EHMT1: variants seen among roughly 807,000 people sequenced by gnomAD.
EHMT1 encodes histone-lysine N-methyltransferase EHMT1.
In EHMT1, 15 loss-of-function variants were observed where a neutral mutation model predicts 147.2. That is an observed-to-expected ratio of 0.10 (90% CI 0.07 to 0.16). The LOEUF (loss-of-function observed/expected upper bound fraction) is 0.16. EHMT1 is among the 10% of genes least tolerant of loss of function. EHMT1 has a pLI of 1.00. For missense variants in EHMT1, 1,587 were observed against 1,772.4 expected, an observed-to-expected ratio of 0.90 and a Z score of 1.88; for synonymous variants, 795 against 709.6, an observed-to-expected ratio of 1.12 and a Z score of -1.91.
chr9:137,633,961 G>A (rs991124840), intron 1 of EHMT1, among the ~76,000 whole-genome samples: 2 of 151,874 alleles, frequency 1.3e-5, no homozygotes, highest in Non-Finnish European at 2.9e-5. Flanking sequence ...TTACAGGTGC[G>A]CACCAGCACG....
At chr9:137,823,876 T>C (rs1955632252) in intron 25 of EHMT1, among the ~76,000 whole-genome samples, 1 of 152,262 alleles carries the variant, frequency 6.6e-6, no homozygotes, top group Admixed American at 6.5e-5. Context: ...TGTTTTTTAA[T>C]TGGCTGCTTG....
chr9:137,726,519 C>T (rs905351290), intron 3 of EHMT1, among the ~76,000 whole-genome samples: 7 of 150,734 alleles, frequency 4.6e-5, no homozygotes, highest in African/African-American at 1.7e-4. Flanking sequence ...TCCGTTCGCC[C>T]GACAGCCGAC....
intron 1 of EHMT1, among the ~76,000 whole-genome samples, chr9:137,635,557 A>C (rs1259594929): frequency 6.7e-6 from 1 of 149,844 alleles, no homozygotes; most frequent in African/African-American, 2.4e-5. Context: ...GCGGTGGCTC[A>C]CGCCTGTAAT....
chr9:137,766,457 A>C (rs1382883517), intron 10 of EHMT1, among the ~76,000 whole-genome samples: 1 of 152,110 alleles, frequency 6.6e-6, no homozygotes, highest in Non-Finnish European at 1.5e-5. Flanking sequence ...TCTACTGAAA[A>C]TACAAAAAGT....
At chr9:137,817,255 G>C in intron 23 of EHMT1, 184 bp from the exon 24 acceptor site, 2 of 692,578 alleles carry the variant, frequency 2.9e-6, no homozygotes, top group Admixed American at 4.3e-5. Flanking sequence ...CTGATCCCCG[G>C]GTTCTTGGCT....
At chr9:137,773,828 C>A (rs1003578985) in intron 10 of EHMT1, among the ~76,000 whole-genome samples, 1 of 152,136 alleles carries the variant, frequency 6.6e-6, no homozygotes, top group Admixed American at 6.5e-5. Flanking sequence ...ATTTGTAGTT[C>A]TTCTTTAGTG....
intron 2 of EHMT1, among the ~76,000 whole-genome samples, chr9:137,714,778 G>A (rs887483178): frequency 4.0e-5 from 6 of 151,850 alleles, no homozygotes; most frequent in African/African-American, 1.5e-4. Flanking sequence ...TGAACTCCTG[G>A]GTTCAAGCGA....
intron 22 of EHMT1, 169 bp downstream of exon 22, chr9:137,814,677 G>A (rs980716007): frequency 1.9e-5 from 14 of 746,270 alleles, no homozygotes; most frequent in Middle Eastern, 3.5e-4. Context: ...ACCAGCACCC[G>A]AGTCAGGGTC....
rs1462415018 is a variant in EHMT1 at position 137,726,107 on chromosome 9, T to TGC, written c.643-2240_643-2239dup. Among the ~76,000 whole-genome samples the TGC allele has an allele frequency of 1.6e-3, 247 of 150,522 alleles. 2 individuals are homozygous for TGC. The Middle Eastern group carries it at 0.017, about 10-fold the overall frequency. On this transcript the variant is annotated intron_variant, in intron 3 of 26. Coordinates refer to ENST00000460843, the MANE Select transcript of EHMT1 (RefSeq NM_024757.5). ...CTTGTCGTGTGTGTGTGTGTGTGTGTGCGTATGTGCGTGGTAAAACACATA... is the reference window on the plus strand; with the variant it reads ...CTTGTCGTGTGTGTGTGTGTGTGTGTGCGCGTATGTGCGTGGTAAAACACATA...
intron 4 of EHMT1, among the ~76,000 whole-genome samples, chr9:137,738,168 T>C (rs1947712607): frequency 6.7e-6 from 1 of 149,820 alleles, no homozygotes; most frequent in South Asian, 2.1e-4. Context: ...CACTCCAGCC[T>C]GGGTGACAGA....
intron 1 of EHMT1, chr9:137,641,495 A>C: frequency 2.3e-6 from 1 of 425,616 alleles, no homozygotes; most frequent in South Asian, 1.8e-5. Context: ...ATGGCTGACA[A>C]ATGTTATTAC....
chr9:137,697,432 C>T (rs1255716884), intron 1 of EHMT1, among the ~76,000 whole-genome samples: 2 of 152,322 alleles, frequency 1.3e-5, no homozygotes, highest in Non-Finnish European at 2.9e-5. Context: ...CCACTGGGAT[C>T]GGCCGGCCTG....
chr9:137,800,634 T>A, intron 17 of EHMT1: 1 of 559,722 alleles, frequency 1.8e-6, no homozygotes, highest in Non-Finnish European at 3.2e-6. Flanking sequence ...GCACAGGGCA[T>A]GTCGGGCAGG....
At chr9:137,754,370 G>GT in intron 8 of EHMT1, 79 bp downstream of exon 8, 1 of 1,585,250 alleles carries the variant, frequency 6.3e-7, no homozygotes, top group Non-Finnish European at 8.6e-7. Flanking sequence ...TGGGGTTGGG[G>GT]TGCGTAGGAT....
chr9:137,652,461 A>G (rs2133964437), intron 1 of EHMT1, among the ~76,000 whole-genome samples: 1 of 152,148 alleles, frequency 6.6e-6, no homozygotes, highest in Non-Finnish European at 1.5e-5. Context: ...ATCTTGGCTC[A>G]CTGCAACCTC....
intron 1 of EHMT1, among the ~76,000 whole-genome samples, chr9:137,631,562 A>G (rs1217104782): frequency 1.3e-5 from 2 of 152,168 alleles, no homozygotes; most frequent in Non-Finnish European, 2.9e-5. Flanking sequence ...CAGACCACAT[A>G]CATGAAGGTG....
chr9:137,711,866 T>C (rs1464314901), intron 2 of EHMT1, among the ~76,000 whole-genome samples: 4 of 152,128 alleles, frequency 2.6e-5, no homozygotes, highest in African/African-American at 9.7e-5. Context: ...TGCCTAAGGC[T>C]CTCCCAGCTG....
intron 24 of EHMT1, chr9:137,817,783 G>T (rs2132800539): frequency 3.2e-6 from 2 of 625,712 alleles, no homozygotes; most frequent in Non-Finnish European, 5.6e-6. Context: ...AGTTAGGAAG[G>T]CGTGGTCCAG....
chr9:137,754,372 G>A, intron 8 of EHMT1, 81 bp downstream of exon 8: 2 of 1,578,342 alleles, frequency 1.3e-6, no homozygotes, highest in South Asian at 1.1e-5. Context: ...GGGTTGGGGT[G>A]CGTAGGATTT....
Sources: gnomAD v4.1 joint callset for allele counts (sites outside exome capture counted in the v4.1 genomes callset) on GRCh38, gnomAD v4.1.1 for gene constraint, MANE v1.5 for transcripts, NCBI Gene and HGNC (gene_info 2026-07-23, HGNC 2026-07-21) for gene names.